PTPN3: variants seen among roughly 807,000 people sequenced by gnomAD.
The protein encoded by PTPN3 is protein tyrosine phosphatase non-receptor type 3, also known as tyrosine-protein phosphatase non-receptor type 3.
Under a neutral mutation model 132.7 loss-of-function variants are expected in PTPN3, and 96 were observed. That is an observed-to-expected ratio of 0.72 (90% CI 0.61 to 0.86). PTPN3 has a LOEUF of 0.86. PTPN3 is among the 40% of genes least tolerant of loss of function. The pLI is 0.00. For missense variants in PTPN3, 1,125 were observed against 1,159.6 expected (o/e 0.97, Z 0.43); for synonymous variants, 398 against 429.0 (o/e 0.93, Z 0.89).
chr9:109,419,333 T>C (rs1367821802), intron 14 of PTPN3, among the ~76,000 whole-genome samples: 1 of 152,210 alleles, frequency 6.6e-6, no homozygotes, highest in Non-Finnish European at 1.5e-5. Context: ...CAGGGTGCAT[T>C]TGATGCTTTC....
At chr9:109,533,126 ATTTTTTTTTTT>A in the PTPN3 span, among the ~76,000 whole-genome samples, 61 of 36,556 alleles carry the variant, frequency 1.7e-3, no homozygotes, top group African/African-American at 6.8e-3. Context: ...TACCTGGCTA[ATTTTTTTTTTT>A]TTTTTTTTTT....
Position 109,381,670 on chromosome 9 carries a change from G to T in PTPN3, c.2646C>A (p.Ala882=). ...TACTCACTGATGTCTGCACCATCAT[G>T]GCGCGCTGGTCTCGCATTTTTCGGA... ...DIVRKMRDQR[A]MMVQTSSQYK... The change falls in exon 25 of 26, where the codon GCC becomes GCA. Residue 882 remains alanine (A), a synonymous_variant. Coordinates refer to ENST00000374541, the MANE Select transcript of PTPN3 (RefSeq NM_002829.4). 1 of 1,614,218 alleles carries T rather than the reference G, an allele frequency of 6.2e-7. No homozygotes were observed. Among genetic ancestry groups the T allele is most frequent in the Non-Finnish European group, 8.5e-7 (1 of 1,180,024 alleles).
At position 109,486,282 on chromosome 9, in the gene PTPN3, C is replaced by G. The variant is rs185144692; in HGVS notation, c.-18+11937G>C. 6.0e-3 allele frequency among the ~76,000 whole-genome samples: 919 copies of G among 152,256 alleles called. 13 individuals carry two copies. Among genetic ancestry groups the G allele is most frequent in the African/African-American group, 0.021 (868 of 41,484 alleles). On this transcript the variant is annotated intron_variant, in intron 1 of 25. Transcript: ENST00000374541. ...GGGTTGGAGAAAAGATGGGGAAAAG[C>G]AAGGCCAGATGGAGCCTGCACAGAA...
rs542269842 is a variant in PTPN3 at position 109,495,864 on chromosome 9, G to C, written c.-18+2355C>G. Among the ~76,000 whole-genome samples the C allele has an allele frequency of 3.3e-5, 5 of 152,302 alleles. No individual in the cohort carries two copies. The South Asian group carries it at 1.0e-3, about 32-fold the overall frequency. ...CTGAATCTGCTTCCATGGTAACTTG[G>C]GCTTTTTCTCCTGCTCCAAGCTGTC... On this transcript the variant is annotated intron_variant, in intron 1 of 25. Coordinates refer to ENST00000374541, the MANE Select transcript of PTPN3 (RefSeq NM_002829.4).
intron 1 of PTPN3, among the ~76,000 whole-genome samples, chr9:109,477,620 C>A (rs1438517004): frequency 6.6e-6 from 1 of 152,228 alleles, no homozygotes; most frequent in East Asian, 1.9e-4. Flanking sequence ...TGTCTAAAGG[C>A]CCTTCCAGCC....
the PTPN3 span, among the ~76,000 whole-genome samples, chr9:109,514,421 G>T: frequency 5.9e-5 from 9 of 152,210 alleles, no homozygotes; most frequent in African/African-American, 2.2e-4. Flanking sequence ...CTTCTCTTGG[G>T]AAGTGAGAAT....
chr9:109,468,589 A>G (rs1846218947), intron 1 of PTPN3, among the ~76,000 whole-genome samples: 1 of 152,000 alleles, frequency 6.6e-6, no homozygotes, highest in Non-Finnish European at 1.5e-5. Context: ...GATGGTCTCG[A>G]TCTCCTGACC....
At position 109,377,223 on chromosome 9, in the gene PTPN3, T is replaced by C. The variant is rs1838630710; in HGVS notation, c.*2333A>G. 1 of 152,174 alleles carries C rather than the reference T, an allele frequency of 6.6e-6. No individual in the cohort carries two copies. The highest frequency in any genetic ancestry group is 2.4e-5 in the African/African-American group (1 of 41,436). The allele number at this position is 152,174 out of a possible 1,614,324, so 9.4% of individuals were successfully genotyped here. A position where few individuals can be genotyped will look rare whatever the true frequency, so the allele number is the denominator to read the frequency against. On this transcript the variant is annotated 3_prime_UTR_variant, in exon 26 of 26. Transcript: ENST00000374541. ...GTGAGTCCAGATTATTTTGTGCTCTTGTTCTCTCTCTTCTAGAAGAGCATT... is the reference window on the plus strand; with the variant it reads ...GTGAGTCCAGATTATTTTGTGCTCTCGTTCTCTCTCTTCTAGAAGAGCATT...
At chr9:109,486,003 T>G (rs958893772) in intron 1 of PTPN3, among the ~76,000 whole-genome samples, 1 of 152,186 alleles carries the variant, frequency 6.6e-6, no homozygotes, top group African/African-American at 2.4e-5. Flanking sequence ...CAGAAAACAT[T>G]ACAATGACAA....
chr9:109,429,005 G>A (rs1348666002), intron 10 of PTPN3: 5 of 985,416 alleles, frequency 5.1e-6, no homozygotes, highest in Non-Finnish European at 6.0e-6. Context: ...TATATACATG[G>A]GGAAGACAGC....
chr9:109,530,517 T>A, the PTPN3 span, among the ~76,000 whole-genome samples: 1 of 152,236 alleles, frequency 6.6e-6, no homozygotes, highest in Non-Finnish European at 1.5e-5. Context: ...TGAATGGTGC[T>A]GCTATGAACA....
chr9:109,399,575 A>T (rs890919525), intron 19 of PTPN3, among the ~76,000 whole-genome samples: 2 of 151,832 alleles, frequency 1.3e-5, no homozygotes, highest in Admixed American at 1.3e-4. Flanking sequence ...GACAGCTGGG[A>T]CCAAATGCTT....
At chr9:109,531,836 C>A in the PTPN3 span, among the ~76,000 whole-genome samples, 1 of 130,258 alleles carries the variant, frequency 7.7e-6, no homozygotes, top group Non-Finnish European at 1.6e-5. Context: ...TAGACATTTG[C>A]CAAGTGATTG....
the PTPN3 span, among the ~76,000 whole-genome samples, chr9:109,508,417 C>T: frequency 6.6e-6 from 1 of 152,186 alleles, no homozygotes; most frequent in Non-Finnish European, 1.5e-5. Context: ...GCCTCGGCCT[C>T]CCAAAGTGCT....
At chr9:109,417,532 GTTTTT>G (rs34687094) in intron 14 of PTPN3, 3 of 804,850 alleles carry the variant, frequency 3.7e-6, no homozygotes, top group Non-Finnish European at 4.5e-6. Flanking sequence ...TAACCAACAG[GTTTTT>G]TTTTTTTTCT....
chr9:109,395,180 G>A (rs908636617), intron 19 of PTPN3, among the ~76,000 whole-genome samples: 19 of 150,866 alleles, frequency 1.3e-4, no homozygotes, highest in African/African-American at 4.1e-4. Context: ...AGAAACTGAA[G>A]GGGATAGGAG....
intron 1 of PTPN3, among the ~76,000 whole-genome samples, chr9:109,469,137 C>T (rs1278613118): frequency 6.6e-6 from 1 of 152,192 alleles, no homozygotes. Flanking sequence ...AGGGCTGCTA[C>T]TAGGGCTCCT....
Position 109,377,225 on chromosome 9 carries a change from TTC to T in PTPN3, c.*2329_*2330del, listed in dbSNP as rs913815604. ...GAGTCCAGATTATTTTGTGCTCTTG[TTC>T]TCTCTCTTCTAGAAGAGCATTTTCT... On this transcript the variant is annotated 3_prime_UTR_variant, in exon 26 of 26. Transcript: ENST00000374541. 6.6e-6 allele frequency: 1 copy of T among 152,176 alleles called. No homozygotes were observed. Among genetic ancestry groups the T allele is most frequent in the Non-Finnish European group, 1.5e-5 (1 of 68,042 alleles). 9.4% of individuals were successfully genotyped at this position (152,176 alleles called of 1,614,324 possible).
rs1842745625 is a variant in PTPN3 at position 109,419,455 on chromosome 9, G to T, written c.1313+969C>A. ...TACTATATTTTAGAAATAGTATGGGGCTTAACAGAATAGATACCCAATGAC... is the reference window on the plus strand; with the variant it reads ...TACTATATTTTAGAAATAGTATGGGTCTTAACAGAATAGATACCCAATGAC... On this transcript the variant is annotated intron_variant, in intron 14 of 25. Coordinates refer to ENST00000374541, the MANE Select transcript of PTPN3 (RefSeq NM_002829.4). Among the ~76,000 whole-genome samples the T allele has an allele frequency of 1.3e-5, 2 of 152,162 alleles. 1 individual carries two copies. Among genetic ancestry groups the T allele is most frequent in the Non-Finnish European group, 2.9e-5 (2 of 68,032 alleles).
Sources: allele counts gnomAD v4.1 joint callset (sites outside exome capture counted in the v4.1 genomes callset), GRCh38; gene constraint gnomAD v4.1.1; transcripts MANE v1.5; gene names NCBI Gene and HGNC (gene_info 2026-07-23, HGNC 2026-07-21).